EPM2A: variants seen among roughly 807,000 people sequenced by gnomAD.
EPM2A encodes EPM2A glucan phosphatase, laforin.
EPM2A carries 21 observed loss-of-function variants against 26.5 expected under a neutral mutation model. That is an observed-to-expected ratio of 0.79 (90% CI 0.56 to 1.14). EPM2A has a LOEUF of 1.14. Among genes scored for constraint, EPM2A ranks in the 50% most tolerant of loss-of-function variants. The pLI is 0.00. For missense variants in EPM2A, 458 were observed against 440.8 expected (o/e 1.04, Z -0.35); for synonymous variants, 217 against 177.6 (o/e 1.22, Z -1.76).
chr6:145,441,326 C>T (rs1248356440), intron 4 of EPM2A, among the ~76,000 whole-genome samples: 1 of 152,222 alleles, frequency 6.6e-6, no homozygotes, highest in Non-Finnish European at 1.5e-5. Flanking sequence ...ACCCTGGGCC[C>T]TAGCCCACTA....
intron 2 of EPM2A, among the ~76,000 whole-genome samples, chr6:145,528,340 G>A (rs774956558): frequency 6.6e-6 from 1 of 152,158 alleles, no homozygotes; most frequent in Non-Finnish European, 1.5e-5. Flanking sequence ...AACTTTCATA[G>A]CTGGAGAGGA....
intron 4 of EPM2A, among the ~76,000 whole-genome samples, chr6:145,456,921 A>G (rs531719466): frequency 6.6e-6 from 1 of 152,184 alleles, no homozygotes; most frequent in Non-Finnish European, 1.5e-5. Flanking sequence ...CACCTTACAG[A>G]TGTTATAAAG....
chr6:145,653,348 GT>G (rs1778029709), intron 2 of EPM2A, among the ~76,000 whole-genome samples: 1 of 152,184 alleles, frequency 6.6e-6, no homozygotes, highest in African/African-American at 2.4e-5. Context: ...CTGCTGCCAT[GT>G]AAGACATGCC....
chr6:145,651,826 T>G (rs1777905404), intron 2 of EPM2A, among the ~76,000 whole-genome samples: 1 of 152,100 alleles, frequency 6.6e-6, no homozygotes, highest in African/African-American at 2.4e-5. Context: ...ATTTCATAGT[T>G]TGGGATTCTG....
chr6:145,665,849 G>A (rs935790858), intron 2 of EPM2A, among the ~76,000 whole-genome samples: 1 of 145,402 alleles, frequency 6.9e-6, no homozygotes, highest in Non-Finnish European at 1.5e-5. Flanking sequence ...GGGATGCAAG[G>A]CTGGTTCAAT....
chr6:145,447,700 A>G (rs557305495), intron 4 of EPM2A, among the ~76,000 whole-genome samples: 1 of 152,180 alleles, frequency 6.6e-6, no homozygotes, highest in Non-Finnish European at 1.5e-5. Flanking sequence ...GAACTCTTTA[A>G]TAAACTTTAA....
chr6:145,440,859 C>T (rs1291140587), intron 4 of EPM2A, among the ~76,000 whole-genome samples: 3 of 152,198 alleles, frequency 2.0e-5, no homozygotes, highest in African/African-American at 4.8e-5. Flanking sequence ...CTTCTGGTTG[C>T]TTTCACGGGC....
intron 4 of EPM2A, chr6:145,489,948 CT>C: frequency 7.3e-7 from 1 of 1,372,316 alleles, no homozygotes; most frequent in Admixed American, 1.7e-5. Context: ...TTTGGACCTG[CT>C]CTGGAAGCAC....
intron 2 of EPM2A, among the ~76,000 whole-genome samples, chr6:145,523,286 C>T (rs1254746353): frequency 6.6e-6 from 1 of 152,132 alleles, no homozygotes; most frequent in Non-Finnish European, 1.5e-5. Flanking sequence ...ATCTCAATTA[C>T]ATGAAAATTC....
intron 3 of EPM2A, chr6:145,631,980 T>C (rs1776295859): frequency 6.6e-6 from 1 of 152,076 alleles, no homozygotes; most frequent in Non-Finnish European, 1.5e-5. Context: ...CTTTGAAGTG[T>C]AATATAGATA....
chr6:145,727,905 G>T lies in EPM2A; in HGVS notation c.301+7293C>A, dbSNP rs374699371. Among the ~76,000 whole-genome samples, 7 of 152,238 alleles carry T rather than the reference G, an allele frequency of 4.6e-5. No homozygotes were observed. In the East Asian group the frequency reaches 7.7e-4, roughly 17 times the overall value. ...CAGTAATCCCCAATGTTGAAGGAGG[G>T]GCCTGGTGAGAGACGATTGAATCAC... On this transcript the variant is annotated intron_variant, in intron 1 of 3. Transcript: ENST00000367519.
At chr6:145,503,125 C>T (rs147994947) in intron 2 of EPM2A, among the ~76,000 whole-genome samples, 1 of 152,050 alleles carries the variant, frequency 6.6e-6, no homozygotes, top group East Asian at 1.9e-4. Context: ...TAAATAAATG[C>T]TAGCATTGAT....
intron 1 of EPM2A, among the ~76,000 whole-genome samples, chr6:145,727,959 G>A (rs933735678): frequency 2.6e-5 from 4 of 152,154 alleles, no homozygotes; most frequent in Non-Finnish European, 2.9e-5. Context: ...TGCTGTTCTT[G>A]TGAAAGTGCA....
chr6:145,697,021 C>A (rs1439326043), intron 1 of EPM2A, among the ~76,000 whole-genome samples: 3 of 152,082 alleles, frequency 2.0e-5, no homozygotes, highest in Non-Finnish European at 2.9e-5. Context: ...AGAATTACAA[C>A]TCAGTGGGCT....
intron 2 of EPM2A, among the ~76,000 whole-genome samples, chr6:145,532,893 C>A (rs540482408): frequency 1.8e-4 from 27 of 152,280 alleles, no homozygotes; most frequent in Middle Eastern, 3.4e-3. Context: ...TCTCTACATT[C>A]TCTCCTTTAG....
intron 2 of EPM2A, among the ~76,000 whole-genome samples, chr6:145,567,935 T>C (rs989517427): frequency 1.3e-5 from 2 of 152,174 alleles, no homozygotes; most frequent in Non-Finnish European, 2.9e-5. Flanking sequence ...TTTCCTCCAG[T>C]ACAGGCTGAG....
At chr6:145,413,473 A>C (rs959231149) in intron 4 of EPM2A, among the ~76,000 whole-genome samples, 1 of 152,164 alleles carries the variant, frequency 6.6e-6, no homozygotes, top group African/African-American at 2.4e-5. Flanking sequence ...TGCTAATAGA[A>C]TCTTAATAGT....
intron 4 of EPM2A, among the ~76,000 whole-genome samples, chr6:145,458,091 T>C (rs1394495120): frequency 6.6e-6 from 1 of 152,204 alleles, no homozygotes; most frequent in Non-Finnish European, 1.5e-5. Flanking sequence ...ATGTGGAAAG[T>C]CCAGACCTTT....
Position 145,625,998 on chromosome 6 carries a change from GTTA to G in EPM2A, c.*1415_*1417del. On this transcript the variant is annotated 3_prime_UTR_variant, in exon 4 of 4. Transcript: ENST00000367519. ...TCATCATGTGACAATAGACAGTTGA[GTTA>G]ACCCTTCTGACCTTAGTTTCCCCAT... 1 of 1,144,158 alleles carries G rather than the reference GTTA, an allele frequency of 8.7e-7. No individual in the cohort carries two copies. Among genetic ancestry groups the G allele is most frequent in the Non-Finnish European group, 1.1e-6 (1 of 870,284 alleles). 70.9% of individuals were successfully genotyped at this position (1,144,158 alleles called of 1,614,324 possible).
Sources: gnomAD v4.1 joint callset for allele counts (sites outside exome capture counted in the v4.1 genomes callset) on GRCh38, gnomAD v4.1.1 for gene constraint, MANE v1.5 for transcripts, NCBI Gene and HGNC (gene_info 2026-07-23, HGNC 2026-07-21) for gene names.